Variants in ZNF705A observed in about 807,000 individuals in gnomAD.
ZNF705A encodes zinc finger protein 705A.
Under a neutral mutation model 16.6 loss-of-function variants are expected in ZNF705A, and 8 were observed. The observed-to-expected ratio is 0.48, with a 90% CI of 0.28 to 0.87. ZNF705A has a LOEUF of 0.87. Among genes scored for constraint, ZNF705A ranks in the 40% least tolerant of loss-of-function variants. The probability of loss-of-function intolerance (pLI) is 0.10; values close to 1 mark genes in which losing one functional copy is unlikely to be tolerated. For missense variants in ZNF705A, 233 were observed against 359.9 expected (o/e 0.65, Z 2.85); for synonymous variants, 73 against 117.3 (o/e 0.62, Z 2.44).
exon 5 of ZNF705A, chr12:8,177,670 T>A: frequency 3.2e-6 from 5 of 1,565,488 alleles, no homozygotes; most frequent in Non-Finnish European, 4.3e-6. Context: ...TTAAATAGCA[T>A]CAGAAAATTC....
At chr12:8,173,815 C>A (rs1015646558) in intron 1 of ZNF705A, among the ~76,000 whole-genome samples, 1 of 152,118 alleles carries the variant, frequency 6.6e-6, no homozygotes, top group Non-Finnish European at 1.5e-5. Context: ...ATAGGAAACA[C>A]GTTTTCTATT....
intron 1 of ZNF705A, among the ~76,000 whole-genome samples, chr12:8,173,253 CTTA>C (rs1294821812): frequency 2.0e-5 from 3 of 152,336 alleles, no homozygotes; most frequent in Middle Eastern, 3.4e-3. Flanking sequence ...CATTATTATT[CTTA>C]TCCCCATTCA....
intron 1 of ZNF705A, among the ~76,000 whole-genome samples, chr12:8,159,820 TGG>T: frequency 6.6e-6 from 1 of 152,332 alleles, no homozygotes; most frequent in East Asian, 1.9e-4. Flanking sequence ...AAAAGTTCTT[TGG>T]TTTAATTAAG....
chr12:8,157,193 A>C (rs1053709634), intron 1 of ZNF705A, 101 bp downstream of exon 1: 1 of 394,326 alleles, frequency 2.5e-6, no homozygotes, highest in Non-Finnish European at 4.5e-6. Flanking sequence ...TGCTGCTTCA[A>C]CTGGAGACCC....
chr12:8,165,450 ATTTTTTTTT>A (rs57581482), intron 1 of ZNF705A, among the ~76,000 whole-genome samples: 1 of 81,948 alleles, frequency 1.2e-5, no homozygotes, highest in Admixed American at 1.6e-4. Context: ...GCCCAGCTAA[ATTTTTTTTT>A]TTTTTTTTTT....
intron 3 of ZNF705A, among the ~76,000 whole-genome samples, chr12:8,175,622 T>C (rs1948478947): frequency 6.6e-6 from 1 of 152,198 alleles, no homozygotes; most frequent in Non-Finnish European, 1.5e-5. Context: ...ACTATCCCTC[T>C]ATTTACCTGC....
upstream of ZNF705A, among the ~76,000 whole-genome samples, chr12:8,168,446 C>T (rs907135013): frequency 1.3e-5 from 2 of 152,172 alleles, no homozygotes; most frequent in Non-Finnish European, 2.9e-5. Flanking sequence ...TGAATTGTTA[C>T]TTGACATTCT....
At chr12:8,177,284 T>C (rs757406512) in exon 5 of ZNF705A, 1 of 1,611,750 alleles carries the variant, frequency 6.2e-7, no homozygotes, top group Non-Finnish European at 8.5e-7. Flanking sequence ...GCCATATGCA[T>C]GTCATCTATG....
chr12:8,177,811 G>A, exon 5 of ZNF705A: 3 of 711,098 alleles, frequency 4.2e-6, no homozygotes, highest in Non-Finnish European at 6.8e-6. Flanking sequence ...CATGCCAAAG[G>A]ACTCATATTT....
intron 1 of ZNF705A, among the ~76,000 whole-genome samples, chr12:8,157,311 A>G (rs1948317682): frequency 2.6e-5 from 4 of 152,184 alleles, no homozygotes; most frequent in African/African-American, 9.6e-5. Context: ...CACTCACTTT[A>G]TTACTGGTAA....
intron 1 of ZNF705A, among the ~76,000 whole-genome samples, chr12:8,164,091 A>G (rs1041834714): frequency 6.6e-6 from 1 of 152,126 alleles, no homozygotes; most frequent in Non-Finnish European, 1.5e-5. Flanking sequence ...GGAAAGAAAT[A>G]TTGGTAAGAA....
chr12:8,166,622 C>A lies in ZNF705A; in HGVS notation c.-71-5933C>A, dbSNP rs148165136. On this transcript the variant is annotated intron_variant, in intron 1 of 5. Coordinates refer to the ZNF705A transcript ENST00000396570. ...AAACCTCTTTCTTTTGTAAATTGCC[C>A]AGTCTCAGGTATATGTTTATCAGCA... Among the ~76,000 whole-genome samples the A allele has an allele frequency of 4.8e-3, 724 of 152,340 alleles. 2 individuals carry two copies. The highest frequency in any genetic ancestry group is 0.017 in the African/African-American group (705 of 41,570).
At chr12:8,171,512 G>A (rs778250064), upstream of ZNF705A, among the ~76,000 whole-genome samples, 1 of 152,246 alleles carries the variant, frequency 6.6e-6, no homozygotes, top group East Asian at 1.9e-4. Flanking sequence ...TAGATACCAC[G>A]TTAGTAAAAT....
At chr12:8,162,290 T>C (rs1948362441) in intron 1 of ZNF705A, among the ~76,000 whole-genome samples, 1 of 152,090 alleles carries the variant, frequency 6.6e-6, no homozygotes, top group Non-Finnish European at 1.5e-5. Context: ...AACATGTGAG[T>C]TGTTTGCACT....
At chr12:8,164,655 G>A (rs1948383305) in intron 1 of ZNF705A, among the ~76,000 whole-genome samples, 1 of 152,166 alleles carries the variant, frequency 6.6e-6, no homozygotes, top group Non-Finnish European at 1.5e-5. Flanking sequence ...TTCCTCCAAA[G>A]AACATGATCT....
chr12:8,172,028 C>G (rs1948450196), upstream of ZNF705A, among the ~76,000 whole-genome samples: 1 of 152,168 alleles, frequency 6.6e-6, no homozygotes, highest in Non-Finnish European at 1.5e-5. Context: ...TGAGCCGCCA[C>G]ACTCGACCCT....
chr12:8,167,184 A>G (rs1463112638), intron 1 of ZNF705A, among the ~76,000 whole-genome samples: 1 of 152,242 alleles, frequency 6.6e-6, no homozygotes, highest in Non-Finnish European at 1.5e-5. Flanking sequence ...ATAAGACTCT[A>G]GTTTGTCTGG....
exon 5 of ZNF705A, chr12:8,179,194 C>T (rs1400574013): frequency 6.6e-6 from 1 of 152,174 alleles, no homozygotes; most frequent in African/African-American, 2.4e-5. Flanking sequence ...GCCTCTCTAA[C>T]TGGAAGTAGC....
At chr12:8,167,692 AC>A (rs1425070064), upstream of ZNF705A, among the ~76,000 whole-genome samples, 2 of 152,340 alleles carry the variant, frequency 1.3e-5, no homozygotes, top group East Asian at 3.9e-4. Flanking sequence ...TGATACTGTT[AC>A]CAGTAGAAGA....
Sources: gnomAD v4.1 joint callset for allele counts (sites outside exome capture counted in the v4.1 genomes callset) on GRCh38, gnomAD v4.1.1 for gene constraint, MANE v1.5 for transcripts, NCBI Gene and HGNC (gene_info 2026-07-23, HGNC 2026-07-21) for gene names.